Variants in CSMD3 observed in about 807,000 individuals in gnomAD.
CSMD3 encodes CUB and sushi domain-containing protein 3.
CSMD3 carries 177 observed loss-of-function variants against 435.2 expected under a neutral mutation model. That is an observed-to-expected ratio of 0.41 (90% CI 0.36 to 0.46). The LOEUF is 0.46. Among genes scored for constraint, CSMD3 ranks in the 20% least tolerant of loss-of-function variants. CSMD3 has a pLI of 0.34. For missense variants in CSMD3, 4,265 were observed against 4,504.6 expected (o/e 0.95, Z 1.52); for synonymous variants, 1,656 against 1,520.5 (o/e 1.09, Z -2.07).
chr8:112,575,323 A>C (rs993303242), intron 23 of CSMD3, among the ~76,000 whole-genome samples: 2 of 152,018 alleles, frequency 1.3e-5, no homozygotes, highest in African/African-American at 4.8e-5. Context: ...TGTACCCTCT[A>C]GGCTTCTACA....
chr8:113,208,336 T>G (rs1389157019), intron 3 of CSMD3, among the ~76,000 whole-genome samples: 1 of 152,134 alleles, frequency 6.6e-6, no homozygotes, highest in Admixed American at 6.6e-5. Flanking sequence ...ACAGGCAATG[T>G]GACCCAAGGC....
chr8:112,343,001 T>TATTTA (rs1554647587), intron 41 of CSMD3, among the ~76,000 whole-genome samples: 48 of 109,662 alleles, frequency 4.4e-4, no homozygotes, highest in Admixed American at 1.1e-3. Context: ...ATATATATAT[T>TATTTA]TATATATATA....
intron 31 of CSMD3, among the ~76,000 whole-genome samples, chr8:112,487,439 G>C (rs1201641076): frequency 6.6e-6 from 1 of 152,134 alleles, no homozygotes; most frequent in Non-Finnish European, 1.5e-5. Context: ...CAAGGAGCCT[G>C]GTGTCACTCA....
At chr8:112,361,246 T>C (rs1827170359) in intron 38 of CSMD3, among the ~76,000 whole-genome samples, 1 of 151,706 alleles carries the variant, frequency 6.6e-6, no homozygotes, top group South Asian at 2.1e-4. Flanking sequence ...TATTTTTTAA[T>C]GGGATTGGAT....
At chr8:112,494,939 CAT>C (rs776772904) in intron 30 of CSMD3, among the ~76,000 whole-genome samples, 16 of 152,192 alleles carry the variant, frequency 1.1e-4, no homozygotes, top group East Asian at 3.9e-4. Context: ...TACACACACA[CAT>C]GGATACACTT....
intron 1 of CSMD3, among the ~76,000 whole-genome samples, chr8:113,433,491 T>A (rs1460025127): frequency 6.6e-6 from 1 of 152,180 alleles, no homozygotes; most frequent in Admixed American, 6.5e-5. Context: ...AGGATGCGAT[T>A]TCCACTTTTC....
intron 32 of CSMD3, among the ~76,000 whole-genome samples, chr8:112,427,534 T>G (rs1188012654): frequency 6.6e-6 from 1 of 152,152 alleles, no homozygotes; most frequent in East Asian, 1.9e-4. Context: ...TCCCCAGTCC[T>G]GAGGAACTGT....
intron 1 of CSMD3, among the ~76,000 whole-genome samples, chr8:113,361,590 AT>A: frequency 6.6e-6 from 1 of 152,120 alleles, no homozygotes; most frequent in South Asian, 2.1e-4. Context: ...ACAGTGTATC[AT>A]TATTATATCA....
chr8:112,423,917 A>G (rs1440722367), intron 32 of CSMD3, among the ~76,000 whole-genome samples: 1 of 152,166 alleles, frequency 6.6e-6, no homozygotes, highest in Non-Finnish European at 1.5e-5. Context: ...AGAAGCTGTG[A>G]AGTATGGAAT....
At chr8:112,492,322 T>C (rs913265356) in intron 31 of CSMD3, among the ~76,000 whole-genome samples, 167 bp downstream of exon 31, 2 of 152,156 alleles carry the variant, frequency 1.3e-5, no homozygotes, top group Non-Finnish European at 2.9e-5. Context: ...CAAAACCAGG[T>C]CTTTATTGAA....
At chr8:113,278,796 A>G (rs2093591253) in intron 2 of CSMD3, 92 bp from the exon 3 acceptor site, 1 of 704,274 alleles carries the variant, frequency 1.4e-6, no homozygotes. Context: ...AAAAATAATA[A>G]AACAGATTTT....
chr8:112,682,959 G>A (rs2075934319), intron 15 of CSMD3, among the ~76,000 whole-genome samples: 1 of 151,950 alleles, frequency 6.6e-6, no homozygotes, highest in African/African-American at 2.4e-5. Context: ...AGTATAAGCT[G>A]GTCAGAATTT....
At chr8:113,296,909 C>T (rs1417218489) in intron 2 of CSMD3, among the ~76,000 whole-genome samples, 1 of 152,066 alleles carries the variant, frequency 6.6e-6, no homozygotes, top group African/African-American at 2.4e-5. Flanking sequence ...AATTTAGTGG[C>T]TTCAAGTTGC....
At chr8:112,631,240 A>G (rs2074506487) in intron 22 of CSMD3, among the ~76,000 whole-genome samples, 1 of 152,140 alleles carries the variant, frequency 6.6e-6, no homozygotes, top group African/African-American at 2.4e-5. Flanking sequence ...GTTTTTGTAA[A>G]TAAAGTTTTG....
chr8:112,460,993 T>C (rs1190751593), intron 32 of CSMD3, among the ~76,000 whole-genome samples: 1 of 152,164 alleles, frequency 6.6e-6, no homozygotes, highest in East Asian at 1.9e-4. Flanking sequence ...TCTAACCTAT[T>C]TGAAATATAA....
intron 27 of CSMD3, among the ~76,000 whole-genome samples, chr8:112,529,312 A>G (rs939536333): frequency 6.6e-6 from 1 of 152,170 alleles, no homozygotes; most frequent in Non-Finnish European, 1.5e-5. Context: ...CAAAAAGCAC[A>G]GTTAATGCGG....
intron 1 of CSMD3, among the ~76,000 whole-genome samples, chr8:113,391,333 T>C (rs1357403168): frequency 6.6e-6 from 1 of 152,018 alleles, no homozygotes; most frequent in East Asian, 1.9e-4. Flanking sequence ...TAAAACATTG[T>C]AGTAATTAGA....
At chr8:112,681,090 A>G (rs1048701222) in intron 16 of CSMD3, among the ~76,000 whole-genome samples, 3 of 149,812 alleles carry the variant, frequency 2.0e-5, no homozygotes, top group Non-Finnish European at 3.0e-5. Context: ...GCTGGAGTGC[A>G]GTGGCGCGAT....
intron 30 of CSMD3, among the ~76,000 whole-genome samples, chr8:112,503,063 A>C (rs1404771907): frequency 6.6e-6 from 1 of 152,188 alleles, no homozygotes; most frequent in African/African-American, 2.4e-5. Context: ...TCTCTTTATT[A>C]TGAATATTGA....
Sources: allele counts gnomAD v4.1 joint callset (sites outside exome capture counted in the v4.1 genomes callset), GRCh38; gene constraint gnomAD v4.1.1; transcripts MANE v1.5; gene names NCBI Gene and HGNC (gene_info 2026-07-23, HGNC 2026-07-21).